The following OGDH variants were observed in gnomAD, a reference collection of about 807,000 sequenced individuals.
OGDH encodes the protein oxoglutarate dehydrogenase.
Under a neutral mutation model 116.6 loss-of-function variants are expected in OGDH, and 38 were observed. That is an observed-to-expected ratio of 0.33 (90% CI 0.25 to 0.43). The LOEUF is 0.43. Ranked by LOEUF, OGDH falls within the 20% of genes least tolerant of loss-of-function variation. The probability of loss-of-function intolerance (pLI) is 1.00; values close to 1 mark genes in which losing one functional copy is unlikely to be tolerated. For missense variants in OGDH, 825 were observed against 1,357.2 expected (o/e 0.61, Z 6.16); for synonymous variants, 488 against 533.3 (o/e 0.92, Z 1.17).
At chr7:44,635,451 G>C (rs554875565) in intron 2 of OGDH, among the ~76,000 whole-genome samples, 3 of 152,162 alleles carry the variant, frequency 2.0e-5, no homozygotes, top group Non-Finnish European at 2.9e-5. Context: ...CCGCGCCGCG[G>C]ATTATTTAGA....
intron 5 of OGDH, among the ~76,000 whole-genome samples, chr7:44,670,979 C>T (rs553194337): frequency 2.8e-5 from 4 of 142,772 alleles, no homozygotes; most frequent in Admixed American, 2.2e-4. Context: ...CTACTGCACT[C>T]CAGCCTGGGC....
chr7:44,612,963 C>T (rs1373847834), intron 1 of OGDH, among the ~76,000 whole-genome samples: 1 of 151,624 alleles, frequency 6.6e-6, no homozygotes, highest in Non-Finnish European at 1.5e-5. Context: ...TCACTGCAAC[C>T]TCCGCCTCCT....
chr7:44,644,824 G>A (rs909535556), intron 2 of OGDH, among the ~76,000 whole-genome samples: 9 of 152,204 alleles, frequency 5.9e-5, no homozygotes, highest in Admixed American at 4.6e-4. Flanking sequence ...GTTGTGCTGA[G>A]CCCTTGGGGC....
intron 20 of OGDH, among the ~76,000 whole-genome samples, chr7:44,703,422 C>A (rs57283548): frequency 0.14 from 21,055 of 149,842 alleles, 3,239 homozygotes; most frequent in African/African-American, 0.36. Context: ...CAAAACAAAA[C>A]AAAAAAGACT....
At chr7:44,677,339 G>C (rs1024594325) in intron 9 of OGDH, among the ~76,000 whole-genome samples, 27 of 152,190 alleles carry the variant, frequency 1.8e-4, no homozygotes, top group African/African-American at 6.5e-4. Context: ...CTTTGGAAGA[G>C]GTGTGCAGGG....
chr7:44,641,225 C>CTTTTTTTTTTTTTTT (rs1175522868), intron 2 of OGDH, among the ~76,000 whole-genome samples: 1 of 81,642 alleles, frequency 1.2e-5, no homozygotes. Context: ...TTTTTTTTTT[C>CTTTTTTTTTTTTTTT]TTTTTTTTTT....
intron 2 of OGDH, among the ~76,000 whole-genome samples, chr7:44,637,610 A>G (rs779569386): frequency 6.6e-6 from 1 of 151,824 alleles, no homozygotes; most frequent in Admixed American, 6.6e-5. Flanking sequence ...CAGGAGTTTG[A>G]GACCAGCCTG....
intron 20 of OGDH, among the ~76,000 whole-genome samples, chr7:44,705,798 C>G (rs956726988): frequency 1.3e-5 from 2 of 152,146 alleles, no homozygotes; most frequent in Non-Finnish European, 2.9e-5. Flanking sequence ...GTTTTGGTTA[C>G]GTGCATATGA....
intron 4 of OGDH, chr7:44,656,394 G>C (rs1183398101): frequency 1.3e-6 from 2 of 1,531,866 alleles, no homozygotes; most frequent in East Asian, 4.9e-5. Flanking sequence ...CACCTTTTCA[G>C]AGTTGAGGAC....
At chr7:44,661,644 G>C (rs957163338) in intron 4 of OGDH, among the ~76,000 whole-genome samples, 1 of 151,798 alleles carries the variant, frequency 6.6e-6, no homozygotes, top group Non-Finnish European at 1.5e-5. Flanking sequence ...CTTTCACCCA[G>C]GCTAGAGTGG....
chr7:44,703,656 G>T (rs1015390574), intron 20 of OGDH, among the ~76,000 whole-genome samples: 2 of 152,134 alleles, frequency 1.3e-5, no homozygotes, highest in African/African-American at 4.8e-5. Flanking sequence ...GGAGGCAGAG[G>T]TTGCAGTGAG....
chr7:44,646,185 C>T (rs1043890643), intron 3 of OGDH, among the ~76,000 whole-genome samples: 3 of 152,218 alleles, frequency 2.0e-5, no homozygotes, highest in Non-Finnish European at 4.4e-5. Context: ...CTTAAGACTT[C>T]ATCTGTGATA....
chr7:44,659,600 A>C (rs894261863), intron 4 of OGDH, among the ~76,000 whole-genome samples: 1 of 152,140 alleles, frequency 6.6e-6, no homozygotes, highest in Non-Finnish European at 1.5e-5. Flanking sequence ...TCTGTTTCAT[A>C]TTGGGTGAGT....
At chr7:44,665,600 C>T (rs947409904) in intron 4 of OGDH, among the ~76,000 whole-genome samples, 2 of 152,124 alleles carry the variant, frequency 1.3e-5, no homozygotes, top group African/African-American at 2.4e-5. Context: ...CCGTTAATCC[C>T]GTGCTGGACA....
chr7:44,665,162 G>A (rs891875128), intron 4 of OGDH, among the ~76,000 whole-genome samples: 8 of 152,056 alleles, frequency 5.3e-5, no homozygotes, highest in Admixed American at 4.6e-4. Context: ...GCCATAAATG[G>A]CAAGAGCCAC....
chr7:44,672,368 A>G (rs900769082), intron 5 of OGDH, among the ~76,000 whole-genome samples: 5 of 152,116 alleles, frequency 3.3e-5, no homozygotes, highest in African/African-American at 1.2e-4. Flanking sequence ...GTGAAAACCA[A>G]GTGGGGTCAT....
chr7:44,685,620 C>CT (rs932082354), intron 10 of OGDH, among the ~76,000 whole-genome samples: 46 of 146,808 alleles, frequency 3.1e-4, no homozygotes, highest in Non-Finnish European at 5.0e-4. Flanking sequence ...ACCCTGCTTT[C>CT]TTTTTTTTTT....
intron 3 of OGDH, among the ~76,000 whole-genome samples, chr7:44,646,655 A>C (rs775171580): frequency 1.3e-5 from 2 of 152,194 alleles, no homozygotes; most frequent in African/African-American, 2.4e-5. Context: ...CTCCCTTCTC[A>C]AATTGCTAGC....
At chr7:44,608,420 C>T (rs1265541341) in intron 1 of OGDH, among the ~76,000 whole-genome samples, 1 of 151,784 alleles carries the variant, frequency 6.6e-6, no homozygotes, top group Non-Finnish European at 1.5e-5. Context: ...AAAAAAAGGC[C>T]GGGCGCAGTG....
Sources: allele counts gnomAD v4.1 joint callset (sites outside exome capture counted in the v4.1 genomes callset), GRCh38; gene constraint gnomAD v4.1.1; transcripts MANE v1.5; gene names NCBI Gene and HGNC (gene_info 2026-07-23, HGNC 2026-07-21).